OXR1: variants seen among roughly 807,000 people sequenced by gnomAD.
OXR1 encodes oxidation resistance 1.
In OXR1, 41 loss-of-function variants were observed where a neutral mutation model predicts 104.6. The observed-to-expected ratio is 0.39, with a 90% CI of 0.31 to 0.51. The LOEUF (loss-of-function observed/expected upper bound fraction) is 0.51, where lower values mean the gene tolerates loss of function less well. Among genes scored for constraint, OXR1 ranks in the 20% least tolerant of loss-of-function variants. OXR1 has a pLI of 0.77. For synonymous variants in OXR1, 348 were observed against 348.4 expected (o/e 1.00, Z 0.01); for missense variants, 955 against 1,031.9 (o/e 0.93, Z 1.02).
In OXR1 at chr8:106,668,119, T is replaced by C. The variant is rs541512192; in HGVS notation, c.221-11091T>C. Among the ~76,000 whole-genome samples the C allele has an allele frequency of 2.0e-5, 3 of 152,328 alleles. No individual in the cohort carries two copies. The East Asian group carries it at 5.8e-4, about 29-fold the overall frequency. On this transcript the variant is annotated intron_variant, in intron 3 of 16. Transcript: ENST00000517566. ...ACATCCTAATATTTACTCATTTTAC[T>C]ATTTTTACATTGTCCATGTTTGTAA...
chr8:106,377,234 A>AGT (rs1816944899), intron 2 of OXR1, among the ~76,000 whole-genome samples: 1 of 152,046 alleles, frequency 6.6e-6, no homozygotes. Flanking sequence ...CTCAGGCTAG[A>AGT]GTACAGTGGC....
At chr8:106,427,361 G>T (rs1269323966) in intron 2 of OXR1, among the ~76,000 whole-genome samples, 1 of 151,964 alleles carries the variant, frequency 6.6e-6, no homozygotes, top group Non-Finnish European at 1.5e-5. Context: ...TAGAGACAGG[G>T]TTTCATCATG....
At chr8:106,317,259 G>T (rs1303918702) in intron 1 of OXR1, among the ~76,000 whole-genome samples, 1 of 152,150 alleles carries the variant, frequency 6.6e-6, no homozygotes, top group Non-Finnish European at 1.5e-5. Context: ...ACTGAATCAT[G>T]CTGTGAGGGG....
intron 1 of OXR1, among the ~76,000 whole-genome samples, chr8:106,314,268 G>A (rs529959270): frequency 4.6e-5 from 7 of 152,238 alleles, no homozygotes; most frequent in South Asian, 4.1e-4. Context: ...ATTGCAAACC[G>A]AAGTTCACTT....
At chr8:106,728,786 C>A (rs1833590894) in intron 11 of OXR1, among the ~76,000 whole-genome samples, 1 of 151,994 alleles carries the variant, frequency 6.6e-6, no homozygotes, top group African/African-American at 2.4e-5. Flanking sequence ...AATTATAAGC[C>A]CATTTTATAA....
chr8:106,316,713 CTATCATCT>C (rs750320805), intron 1 of OXR1, among the ~76,000 whole-genome samples: 8,216 of 113,364 alleles, frequency 0.072, 278 homozygotes, highest in African/African-American at 0.11. Context: ...ATCTATCTAT[CTATCATCT>C]ATCTATCTAT....
At chr8:106,675,631 T>C (rs1299810823) in intron 3 of OXR1, among the ~76,000 whole-genome samples, 1 of 152,210 alleles carries the variant, frequency 6.6e-6, no homozygotes, top group African/African-American at 2.4e-5. Context: ...TTAGTCTAAT[T>C]TTTCTAATTT....
intron 3 of OXR1, chr8:106,657,900 T>C (rs1825292039): frequency 1.6e-6 from 2 of 1,246,246 alleles, no homozygotes; most frequent in Non-Finnish European, 2.0e-6. Context: ...TCAGGTCTGA[T>C]GGGCCGGTGG....
intron 2 of OXR1, among the ~76,000 whole-genome samples, chr8:106,509,173 T>C (rs1812362006): frequency 6.6e-6 from 1 of 152,172 alleles, no homozygotes; most frequent in Non-Finnish European, 1.5e-5. Flanking sequence ...TCTCTGTGAG[T>C]TACTGCAAAA....
chr8:106,373,053 A>G (rs937474955), intron 2 of OXR1, among the ~76,000 whole-genome samples: 8 of 152,340 alleles, frequency 5.3e-5, no homozygotes, highest in Middle Eastern at 3.4e-3. Flanking sequence ...AGCAAGTACT[A>G]TGTTGAATCC....
intron 1 of OXR1, among the ~76,000 whole-genome samples, chr8:106,290,237 C>G (rs1038790156): frequency 2.6e-5 from 4 of 152,148 alleles, no homozygotes; most frequent in African/African-American, 9.7e-5. Context: ...GCAGACATAA[C>G]TGGCTAGCCA....
intron 15 of OXR1, among the ~76,000 whole-genome samples, chr8:106,745,043 G>A (rs956378342): frequency 6.6e-5 from 10 of 152,114 alleles, no homozygotes; most frequent in Non-Finnish European, 1.2e-4. Context: ...ACTGCTACCT[G>A]ATAAGTGTAA....
intron 3 of OXR1, among the ~76,000 whole-genome samples, chr8:106,610,455 C>T (rs1216728265): frequency 6.6e-6 from 1 of 152,204 alleles, no homozygotes; most frequent in Non-Finnish European, 1.5e-5. Flanking sequence ...CTGTTACCCT[C>T]AGATCAAAAT....
At chr8:106,318,050 A>T (rs1017430269) in intron 1 of OXR1, among the ~76,000 whole-genome samples, 2 of 152,152 alleles carry the variant, frequency 1.3e-5, no homozygotes, top group East Asian at 3.9e-4. Context: ...ATTAAACTGT[A>T]GTGTCTTTTC....
chr8:106,688,390 G>C (rs1828952165), intron 6 of OXR1, among the ~76,000 whole-genome samples: 1 of 151,478 alleles, frequency 6.6e-6, no homozygotes, highest in Admixed American at 6.6e-5. Flanking sequence ...CACTTGAATT[G>C]GATACACATG....
rs368482005 is a variant in OXR1, at chr8:106,577,306, G to T, written c.220+58167G>T. ...GTTCACTGCAACCTCCACCTCCCAG[G>T]TTCAAGTGATTCTCCTGCCTCAGCC... On this transcript the variant is annotated intron_variant, in intron 3 of 16. Coordinates refer to ENST00000517566, the MANE Select transcript of OXR1 (RefSeq NM_001198533.2). Among the ~76,000 whole-genome samples the T allele has an allele frequency of 1.5e-4, 22 of 145,892 alleles. No individual in the cohort carries two copies. In the East Asian group the frequency reaches 3.8e-3, roughly 26 times the overall value.
At chr8:106,566,405 C>A (rs1043337751) in intron 3 of OXR1, among the ~76,000 whole-genome samples, 1 of 152,078 alleles carries the variant, frequency 6.6e-6, no homozygotes, top group African/African-American at 2.4e-5. Context: ...AAATGCAAAT[C>A]AAAACCACAA....
chr8:106,443,265 G>C (rs1425276109), intron 2 of OXR1, among the ~76,000 whole-genome samples: 2 of 152,126 alleles, frequency 1.3e-5, no homozygotes, highest in Non-Finnish European at 2.9e-5. Context: ...GTTGTACTGA[G>C]AGACTGTTTA....
At chr8:106,621,901 G>A (rs1821736089) in intron 3 of OXR1, among the ~76,000 whole-genome samples, 1 of 152,034 alleles carries the variant, frequency 6.6e-6, no homozygotes, top group Non-Finnish European at 1.5e-5. Flanking sequence ...ATATACTGGG[G>A]TTTAAAAAAT....
Sources: allele counts gnomAD v4.1 joint callset (sites outside exome capture counted in the v4.1 genomes callset), GRCh38; gene constraint gnomAD v4.1.1; transcripts MANE v1.5; gene names NCBI Gene and HGNC (gene_info 2026-07-23, HGNC 2026-07-21).